Variants in SLCO3A1 observed in about 807,000 individuals in gnomAD.
SLCO3A1 encodes PGE1 transporter.
In SLCO3A1, 27 loss-of-function variants were observed where a neutral mutation model predicts 63.1. The ratio of observed to expected loss-of-function variants is 0.43; its 90% CI spans 0.32 to 0.59. SLCO3A1 has a LOEUF of 0.59. Ranked by LOEUF, SLCO3A1 falls within the 20% of genes least tolerant of loss-of-function variation. The probability of loss-of-function intolerance (pLI) is 0.09; values close to 1 mark genes in which losing one functional copy is unlikely to be tolerated. For missense variants in SLCO3A1, 773 were observed against 945.8 expected, an observed-to-expected ratio of 0.82 and a Z score of 2.40; for synonymous variants, 473 against 409.9, an observed-to-expected ratio of 1.15 and a Z score of -1.86.
chr15:91,895,112 G>A (rs1054770245), intron 1 of SLCO3A1, among the ~76,000 whole-genome samples: 2 of 152,134 alleles, frequency 1.3e-5, no homozygotes, highest in African/African-American at 4.8e-5. Flanking sequence ...CTTTAGAACT[G>A]CTTTGAGGGG....
At position 91,941,360 on chromosome 15, in the gene SLCO3A1, C is replaced by A; in HGVS notation, c.646+24902C>A. The A allele has an allele frequency of 2.7e-6, 1 of 365,432 alleles. No individual in the cohort carries two copies. Among genetic ancestry groups the A allele is most frequent in the South Asian group, 2.1e-5 (1 of 48,320 alleles). 22.6% of individuals were successfully genotyped at this position (365,432 alleles called of 1,614,324 possible). A position where few individuals can be genotyped will look rare whatever the true frequency, so the allele number is the denominator to read the frequency against. On this transcript the variant is annotated intron_variant, in intron 2 of 9. Transcript: ENST00000318445. The surrounding 1 kb of genome is among the most constrained non-coding windows in gnomAD (Gnocchi z 4.4). Reference sequence around the variant, plus strand: ...ACCAGCTAGGACTGAGCCCAAAGACCTGAGATTCCCTGGGAGGCTGTGGGG... The same window carrying A: ...ACCAGCTAGGACTGAGCCCAAAGACATGAGATTCCCTGGGAGGCTGTGGGG...
chr15:91,893,540 A>G lies in SLCO3A1; in HGVS notation c.181-22453A>G, dbSNP rs1388877326. Among the ~76,000 whole-genome samples the G allele has an allele frequency of 3.3e-5, 5 of 152,252 alleles. No homozygotes were observed. In the East Asian group the frequency reaches 9.7e-4, roughly 29 times the overall value. The stretch of plus-strand genomic sequence containing the variant: ...TTGGGGCCTCTGTTATAAGGGCACT[A>G]ATCCCATTCATGAGGGCCTCACCCT... On this transcript the variant is annotated intron_variant, in intron 1 of 9. Transcript: ENST00000318445.
rs1394933935 is a variant in SLCO3A1 at position 92,033,130 on chromosome 15, C to T, written c.647-61751C>T. 1.3e-5 allele frequency among the ~76,000 whole-genome samples: 2 copies of T among 152,070 alleles called. No homozygotes were observed. Among genetic ancestry groups the T allele is most frequent in the Non-Finnish European group, 2.9e-5 (2 of 68,010 alleles). ...AATTTTAGAATTTACCAAAGAATCT[C>T]ACGTGTAAAAAAAACAAAAGAACTC... On this transcript the variant is annotated intron_variant, in intron 2 of 9. Coordinates refer to ENST00000318445, the MANE Select transcript of SLCO3A1 (RefSeq NM_013272.4). This position sits in a 1 kb window ranked among gnomAD's most constrained non-coding sequence, Gnocchi z 4.5.
At chr15:92,058,282 T>C (rs2047045404) in intron 2 of SLCO3A1, among the ~76,000 whole-genome samples, 1 of 152,168 alleles carries the variant, frequency 6.6e-6, no homozygotes, top group Non-Finnish European at 1.5e-5. Context: ...TTCAGTGCCC[T>C]TTCTGCTATT....
intron 2 of SLCO3A1, among the ~76,000 whole-genome samples, chr15:92,066,232 G>A (rs2047149337): frequency 6.6e-6 from 1 of 152,236 alleles, no homozygotes; most frequent in Admixed American, 6.5e-5. Flanking sequence ...AGTTGGTAGA[G>A]AGGCCAAGCA....
chr15:92,018,915 C>T (rs1334435975), intron 2 of SLCO3A1, among the ~76,000 whole-genome samples: 4 of 152,174 alleles, frequency 2.6e-5, no homozygotes, highest in Non-Finnish European at 4.4e-5. Context: ...TACCATCACT[C>T]CCCTGGTGCT....
rs144342411 is a variant in SLCO3A1 at position 92,110,896 on chromosome 15, G to T, written c.1009+6354G>T. Among the ~76,000 whole-genome samples the T allele has an allele frequency of 5.5e-3, 837 of 152,002 alleles. 4 individuals are homozygous for T. Among genetic ancestry groups the T allele is most frequent in the African/African-American group, 0.019 (806 of 41,458 alleles). ...TCCATAGACTTGGCAAGAGCTTCAGGTGTCCTGAGTGCCACCACCAGCCCA... is the reference window on the plus strand; with the variant it reads ...TCCATAGACTTGGCAAGAGCTTCAGTTGTCCTGAGTGCCACCACCAGCCCA... On this transcript the variant is annotated intron_variant, in intron 4 of 9. Coordinates refer to ENST00000318445, the MANE Select transcript of SLCO3A1 (RefSeq NM_013272.4).
intron 2 of SLCO3A1, among the ~76,000 whole-genome samples, chr15:91,969,286 C>G (rs1900771120): frequency 6.6e-6 from 1 of 151,056 alleles, no homozygotes; most frequent in African/African-American, 2.4e-5. Flanking sequence ...AGTAAAATTT[C>G]TTGTGTTTGT....
chr15:92,049,269 T>G (rs1300619362), intron 2 of SLCO3A1, among the ~76,000 whole-genome samples: 1 of 152,130 alleles, frequency 6.6e-6, no homozygotes, highest in Non-Finnish European at 1.5e-5. Flanking sequence ...GCCCCCAACC[T>G]TATTAAAGTC....
intron 1 of SLCO3A1, among the ~76,000 whole-genome samples, chr15:91,884,683 G>A (rs188306603): frequency 1.3e-5 from 2 of 152,158 alleles, no homozygotes; most frequent in African/African-American, 4.8e-5. Context: ...AGGCTTAAGT[G>A]ATTTTTCACA....
At chr15:91,946,818 A>G (rs1335442611) in intron 2 of SLCO3A1, among the ~76,000 whole-genome samples, 1 of 152,220 alleles carries the variant, frequency 6.6e-6, no homozygotes, top group Non-Finnish European at 1.5e-5. Flanking sequence ...TGGAGTTACC[A>G]AAATTCCCCT....
chr15:92,046,081 T>G (rs781092892), intron 2 of SLCO3A1, among the ~76,000 whole-genome samples: 3 of 152,174 alleles, frequency 2.0e-5, no homozygotes, highest in Non-Finnish European at 4.4e-5. Context: ...ATGTATACAT[T>G]AGGGTTAATC....
chr15:92,085,203 T>C (rs904940343), intron 2 of SLCO3A1, among the ~76,000 whole-genome samples: 3 of 152,176 alleles, frequency 2.0e-5, no homozygotes, highest in Non-Finnish European at 4.4e-5. Flanking sequence ...CCACTCTGAA[T>C]CCCACCCCAC....
At chr15:92,135,195 T>G (rs752512765) in intron 7 of SLCO3A1, among the ~76,000 whole-genome samples, 4 of 152,160 alleles carry the variant, frequency 2.6e-5, no homozygotes, top group African/African-American at 4.8e-5. Flanking sequence ...GGGCCCTGTG[T>G]TCCTTCAGAG....
intron 2 of SLCO3A1, among the ~76,000 whole-genome samples, chr15:91,978,412 G>T (rs908574466): frequency 2.0e-5 from 3 of 152,162 alleles, no homozygotes; most frequent in African/African-American, 4.8e-5. Flanking sequence ...TGAACATGTG[G>T]CCTTTTAGAT....
chr15:92,010,592 T>C (rs2046358460), intron 2 of SLCO3A1, among the ~76,000 whole-genome samples: 1 of 152,228 alleles, frequency 6.6e-6, no homozygotes, highest in African/African-American at 2.4e-5. Flanking sequence ...TGCTTCCTGT[T>C]ACAGTGCCAT....
At chr15:92,053,425 C>T (rs992206395) in intron 2 of SLCO3A1, among the ~76,000 whole-genome samples, 2 of 152,130 alleles carry the variant, frequency 1.3e-5, no homozygotes, top group African/African-American at 2.4e-5. Flanking sequence ...AACCGATGAC[C>T]AGTATCAATA....
intron 7 of SLCO3A1, among the ~76,000 whole-genome samples, chr15:92,133,591 C>A (rs1247039230): frequency 6.9e-6 from 1 of 144,966 alleles, no homozygotes; most frequent in African/African-American, 2.5e-5. Flanking sequence ...TGGATTCTTA[C>A]AGGAGCATGA....
At chr15:91,985,047 C>G (rs1052905882) in intron 2 of SLCO3A1, among the ~76,000 whole-genome samples, 2 of 152,164 alleles carry the variant, frequency 1.3e-5, no homozygotes, top group Admixed American at 1.3e-4. Flanking sequence ...AATTTACACA[C>G]TCATATGACC....
Sources: gnomAD v4.1 joint callset for allele counts (sites outside exome capture counted in the v4.1 genomes callset) on GRCh38, gnomAD v4.1.1 for gene constraint, Gnocchi (gnomAD v3.1) non-coding constraint, MANE v1.5 for transcripts, NCBI Gene and HGNC (gene_info 2026-07-23, HGNC 2026-07-21) for gene names.